ADISSP: variants seen among roughly 807,000 people sequenced by gnomAD.
ADISSP encodes the protein adipose-secreted signaling protein.
chr20:3,757,655 G>C, the ADISSP span, among the ~76,000 whole-genome samples: 8 of 152,220 alleles, frequency 5.3e-5, no homozygotes, highest in Admixed American at 2.0e-4. Context: ...GTTTGAGACA[G>C]AGTCTTTCTG....
chr20:3,767,745 G>C, the ADISSP span: 2 of 152,346 alleles, frequency 1.3e-5, no homozygotes, highest in Non-Finnish European at 2.9e-5. Context: ...CGCCGAGCAC[G>C]AGGAAGGGAG....
chr20:3,758,180 C>T, the ADISSP span, among the ~76,000 whole-genome samples: 4 of 152,208 alleles, frequency 2.6e-5, no homozygotes, highest in Admixed American at 1.3e-4. This position sits in a 1 kb window ranked among gnomAD's most constrained non-coding sequence, Gnocchi z 5.5. Flanking sequence ...GTGATTGTCT[C>T]CACTTGAGAG....
chr20:3,755,172 G>A, the ADISSP span, among the ~76,000 whole-genome samples: 1 of 152,154 alleles, frequency 6.6e-6, no homozygotes, highest in East Asian at 1.9e-4. Flanking sequence ...GGAGGCAGGA[G>A]GGAAGGCTGG....
chr20:3,765,536 C>A, the ADISSP span, among the ~76,000 whole-genome samples: 3 of 152,208 alleles, frequency 2.0e-5, no homozygotes, highest in African/African-American at 7.2e-5. Flanking sequence ...CAATGCACCC[C>A]CCATCTCTGC....
At chr20:3,755,155 G>C in the ADISSP span, among the ~76,000 whole-genome samples, 1 of 152,168 alleles carries the variant, frequency 6.6e-6, no homozygotes, top group Non-Finnish European at 1.5e-5. Flanking sequence ...TTTTTCTAGA[G>C]GGTTAGGGAG....
At chr20:3,754,346 C>T in the ADISSP span, 49 of 1,596,484 alleles carry the variant, frequency 3.1e-5, no homozygotes, top group African/African-American at 8.0e-5. Flanking sequence ...CAGAAACCCT[C>T]GCAGTCGAGC....
At chr20:3,754,432 G>A in the ADISSP span, 120 of 1,613,972 alleles carry the variant, frequency 7.4e-5, no homozygotes, top group Non-Finnish European at 9.9e-5. Flanking sequence ...GCGCACACAG[G>A]TGCCAGTGCC....
At chr20:3,759,058 G>C in the ADISSP span, among the ~76,000 whole-genome samples, 1 of 152,300 alleles carries the variant, frequency 6.6e-6, no homozygotes, top group East Asian at 1.9e-4. The surrounding 1 kb of genome is among the most constrained non-coding windows in gnomAD (Gnocchi z 4.6). Context: ...CCTTCACAGT[G>C]CAAAGCTCCC....
the ADISSP span, among the ~76,000 whole-genome samples, chr20:3,756,924 A>G: frequency 6.6e-6 from 1 of 152,230 alleles, no homozygotes; most frequent in Non-Finnish European, 1.5e-5. Flanking sequence ...AGTTCACAAC[A>G]GAAGCAAGCA....
At chr20:3,760,070 G>A in the ADISSP span, 7 of 1,610,164 alleles carry the variant, frequency 4.3e-6, no homozygotes, top group African/African-American at 9.4e-5. Context: ...ACCACGCCAG[G>A]AAGGCACTTA....
the ADISSP span, among the ~76,000 whole-genome samples, chr20:3,763,465 G>A: frequency 2.5e-4 from 37 of 150,872 alleles, no homozygotes; most frequent in African/African-American, 8.3e-4. Context: ...GCTGAGGCAG[G>A]AGAATCGCTT....
the ADISSP span, chr20:3,755,722 C>T: frequency 5.9e-6 from 5 of 853,544 alleles, no homozygotes; most frequent in East Asian, 1.3e-4. Flanking sequence ...CCAGAGAGCC[C>T]AGAAAGCCCA....
the ADISSP span, among the ~76,000 whole-genome samples, chr20:3,762,434 G>C: frequency 6.6e-6 from 1 of 152,038 alleles, no homozygotes. Context: ...GCCCAGGCTG[G>C]AGTCCAGCTC....
chr20:3,757,243 T>C, the ADISSP span, among the ~76,000 whole-genome samples: 2 of 151,908 alleles, frequency 1.3e-5, no homozygotes, highest in Admixed American at 1.3e-4. Flanking sequence ...CCAGCTACTC[T>C]GGAGGCTGAG....
At chr20:3,760,045 G>A in the ADISSP span, 1 of 1,613,248 alleles carries the variant, frequency 6.2e-7, no homozygotes, top group Non-Finnish European at 8.5e-7. Context: ...CACCGGAAGA[G>A]CTTGTGCAAG....
At chr20:3,758,629 T>C in the ADISSP span, 377 of 1,614,062 alleles carry the variant, frequency 2.3e-4, 3 homozygotes, top group African/African-American at 4.0e-3. This position sits in a 1 kb window ranked among gnomAD's most constrained non-coding sequence, Gnocchi z 5.5. Context: ...GGGATCCTTC[T>C]GCATCGTGGC....
the ADISSP span, chr20:3,759,909 C>T: frequency 8.7e-7 from 1 of 1,146,678 alleles, no homozygotes; most frequent in Non-Finnish European, 1.3e-6. The surrounding 1 kb of genome is among the most constrained non-coding windows in gnomAD (Gnocchi z 4.6). Flanking sequence ...AGCCCCAGAA[C>T]CTGGCACAAA....
At chr20:3,764,226 G>C in the ADISSP span, among the ~76,000 whole-genome samples, 1 of 152,298 alleles carries the variant, frequency 6.6e-6, no homozygotes, top group South Asian at 2.1e-4. Context: ...TCCTGCAGAG[G>C]CTGCTCCAGC....
the ADISSP span, among the ~76,000 whole-genome samples, chr20:3,766,135 G>T: frequency 3.9e-5 from 6 of 152,134 alleles, no homozygotes; most frequent in Admixed American, 3.3e-4. Context: ...CCCAGCCTGG[G>T]GCTCAGTCCT....
Sources: allele counts gnomAD v4.1 joint callset (sites outside exome capture counted in the v4.1 genomes callset), GRCh38; gene constraint gnomAD v4.1.1; non-coding constraint Gnocchi (gnomAD v3.1); transcripts MANE v1.5; gene names NCBI Gene and HGNC (gene_info 2026-07-23, HGNC 2026-07-21).